Variants in CNBD1 observed in about 807,000 individuals in gnomAD.
The protein encoded by CNBD1 is cyclic nucleotide binding domain containing 1, also known as cyclic nucleotide-binding domain-containing protein 1.
A neutral mutation model predicts 54.4 loss-of-function variants in CNBD1; 71 were observed. That is an observed-to-expected ratio of 1.30 (90% CI 1.08 to 1.59). The LOEUF is 1.59. Among genes scored for constraint, CNBD1 ranks in the 40% most tolerant of loss-of-function variants. The probability of loss-of-function intolerance (pLI) is 0.00; values close to 1 mark genes in which losing one functional copy is unlikely to be tolerated. For synonymous variants in CNBD1, 182 were observed against 170.7 expected (o/e 1.07, Z -0.51); for missense variants, 659 against 518.0 (o/e 1.27, Z -2.64).
chr8:87,069,637 T>A (rs1354345570), intron 4 of CNBD1, among the ~76,000 whole-genome samples: 1 of 152,084 alleles, frequency 6.6e-6, no homozygotes, highest in Non-Finnish European at 1.5e-5. Context: ...ATTTCCATCA[T>A]TAAGCAATGC....
At chr8:87,172,309 T>C (rs1813105512) in intron 4 of CNBD1, among the ~76,000 whole-genome samples, 2 of 152,160 alleles carry the variant, frequency 1.3e-5, no homozygotes, top group South Asian at 4.1e-4. Context: ...ATGTCAAGAA[T>C]AATCCATATC....
intron 5 of CNBD1, among the ~76,000 whole-genome samples, chr8:87,211,256 T>A (rs1583205): frequency 5.3e-5 from 8 of 152,088 alleles, no homozygotes; most frequent in African/African-American, 1.9e-4. Context: ...TAAATAGTAC[T>A]TTTTGATTTT....
chr8:87,378,994 A>C, intron 10 of CNBD1, among the ~76,000 whole-genome samples: 1 of 149,478 alleles, frequency 6.7e-6, no homozygotes, highest in Non-Finnish European at 1.5e-5. Flanking sequence ...TGATTTTTGC[A>C]CATTGATTTT....
intron 8 of CNBD1, among the ~76,000 whole-genome samples, chr8:87,335,602 G>A (rs1473815664): frequency 6.6e-6 from 1 of 151,932 alleles, no homozygotes; most frequent in South Asian, 2.1e-4. Flanking sequence ...GTGTGTCTTT[G>A]CACGTAAGAG....
At chr8:87,054,260 G>A (rs1387577463) in intron 4 of CNBD1, among the ~76,000 whole-genome samples, 4 of 152,188 alleles carry the variant, frequency 2.6e-5, no homozygotes, top group African/African-American at 9.7e-5. Context: ...ACAAAGGTTA[G>A]AAAGGGAAGT....
intron 4 of CNBD1, among the ~76,000 whole-genome samples, chr8:87,176,779 G>T (rs541717145): frequency 6.6e-6 from 1 of 151,766 alleles, no homozygotes; most frequent in South Asian, 2.1e-4. Flanking sequence ...GTGAGCCACC[G>T]TGCCTGGCTT....
chr8:86,984,391 C>G (rs1177784919), intron 4 of CNBD1, among the ~76,000 whole-genome samples: 2 of 152,094 alleles, frequency 1.3e-5, no homozygotes, highest in African/African-American at 4.8e-5. Flanking sequence ...AACACAGAGT[C>G]CCTACTGGGG....
chr8:87,376,762 T>G (rs1221799460), intron 10 of CNBD1, among the ~76,000 whole-genome samples: 1 of 151,928 alleles, frequency 6.6e-6, no homozygotes. Flanking sequence ...CAACAAAGGC[T>G]TATAAAGCAT....
At chr8:87,340,871 C>A (rs1810050404) in intron 8 of CNBD1, among the ~76,000 whole-genome samples, 1 of 151,910 alleles carries the variant, frequency 6.6e-6, no homozygotes, top group African/African-American at 2.4e-5. Context: ...AACTCCTATA[C>A]CGCCATTTCT....
At chr8:86,877,694 C>G (rs1006918919) in intron 1 of CNBD1, among the ~76,000 whole-genome samples, 1 of 152,068 alleles carries the variant, frequency 6.6e-6, no homozygotes, top group African/African-American at 2.4e-5. Context: ...CTTTGCCTTT[C>G]TGGGTCATCG....
intron 3 of CNBD1, among the ~76,000 whole-genome samples, chr8:86,932,564 A>G (rs1163278859): frequency 2.0e-5 from 3 of 152,206 alleles, no homozygotes; most frequent in African/African-American, 4.8e-5. Flanking sequence ...AAGCTTGGAC[A>G]TAAGGTATTT....
intron 10 of CNBD1, among the ~76,000 whole-genome samples, chr8:87,366,292 A>C (rs573669292): frequency 2.0e-5 from 3 of 152,154 alleles, no homozygotes; most frequent in African/African-American, 7.2e-5. Context: ...GGTCACCTCC[A>C]AGTCCATTCA....
intron 4 of CNBD1, among the ~76,000 whole-genome samples, chr8:87,093,738 G>C (rs1195984535): frequency 6.6e-6 from 1 of 151,960 alleles, no homozygotes; most frequent in Non-Finnish European, 1.5e-5. Flanking sequence ...TTATATCCTA[G>C]AGATCTCTCA....
intron 1 of CNBD1, among the ~76,000 whole-genome samples, chr8:86,877,500 A>G (rs1808538328): frequency 6.6e-6 from 1 of 152,054 alleles, no homozygotes; most frequent in Non-Finnish European, 1.5e-5. Flanking sequence ...AGGTTGCCCT[A>G]CTCTTTGCCA....
chr8:86,942,380 G>A (rs1188968321), intron 4 of CNBD1, among the ~76,000 whole-genome samples: 1 of 152,168 alleles, frequency 6.6e-6, no homozygotes, highest in Non-Finnish European at 1.5e-5. Context: ...TCTGCTCAGT[G>A]TCTCACAGAT....
intron 4 of CNBD1, among the ~76,000 whole-genome samples, chr8:87,151,584 T>C (rs1812605231): frequency 6.6e-6 from 1 of 152,200 alleles, no homozygotes; most frequent in Non-Finnish European, 1.5e-5. Context: ...GGCTATTCCA[T>C]GCATATTCTC....
intron 6 of CNBD1, among the ~76,000 whole-genome samples, chr8:87,278,090 G>A (rs756040914): frequency 6.6e-6 from 1 of 151,514 alleles, no homozygotes; most frequent in African/African-American, 2.4e-5. Context: ...CACTGAAGAA[G>A]AGAGTTACTA....
At chr8:86,976,021 A>AT (rs199512547) in intron 4 of CNBD1, among the ~76,000 whole-genome samples, 38 of 151,060 alleles carry the variant, frequency 2.5e-4, no homozygotes, top group East Asian at 1.4e-3. Flanking sequence ...GACCACGCAT[A>AT]TTTTTTTTGA....
chr8:87,299,560 A>G (rs768058537), intron 8 of CNBD1, among the ~76,000 whole-genome samples: 6 of 152,228 alleles, frequency 3.9e-5, no homozygotes, highest in Non-Finnish European at 7.3e-5. Context: ...ATCCAAATGC[A>G]TTTCCCAGAA....
Sources: gnomAD v4.1 joint callset for allele counts (sites outside exome capture counted in the v4.1 genomes callset) on GRCh38, gnomAD v4.1.1 for gene constraint, MANE v1.5 for transcripts, NCBI Gene and HGNC (gene_info 2026-07-23, HGNC 2026-07-21) for gene names.